CA4: variants seen among roughly 807,000 people sequenced by gnomAD.
The protein encoded by CA4 is CA-IV.
CA4 carries 24 observed loss-of-function variants against 34.5 expected under a neutral mutation model. The observed-to-expected ratio is 0.70, with a 90% CI of 0.50 to 0.98. The LOEUF (loss-of-function observed/expected upper bound fraction) is 0.98. Ranked by LOEUF, CA4 falls within the 50% of genes least tolerant of loss-of-function variation. The probability of loss-of-function intolerance (pLI) is 0.00; values close to 1 mark genes in which losing one functional copy is unlikely to be tolerated. For synonymous variants in CA4, 178 were observed against 170.6 expected (o/e 1.04, Z -0.34); for missense variants, 394 against 396.7 (o/e 0.99, Z 0.06).
At chr17:60,167,595 A>T (rs1332263273) in intron 5 of CA4, among the ~76,000 whole-genome samples, 1 of 152,262 alleles carries the variant, frequency 6.6e-6, no homozygotes, top group African/African-American at 2.4e-5. Flanking sequence ...CAGGGCTGGG[A>T]CTAAATATTT....
At chr17:60,150,459 G>T (rs1427258078) in intron 1 of CA4, among the ~76,000 whole-genome samples, 2 of 151,822 alleles carry the variant, frequency 1.3e-5, no homozygotes, top group African/African-American at 2.4e-5. Flanking sequence ...GATCACCTGA[G>T]CCCAGGAGTT....
chr17:60,178,179 T>C, the CA4 span, among the ~76,000 whole-genome samples: 1 of 152,238 alleles, frequency 6.6e-6, no homozygotes, highest in Non-Finnish European at 1.5e-5. Flanking sequence ...AATACACTTA[T>C]GAACTCCTAA....
At chr17:60,163,950 G>A (rs1267047223), downstream of CA4, among the ~76,000 whole-genome samples, 1 of 152,074 alleles carries the variant, frequency 6.6e-6, no homozygotes, top group Non-Finnish European at 1.5e-5. Flanking sequence ...GAGTAACTTA[G>A]GGAGATCCTG....
At chr17:60,150,241 G>A (rs1452132300) in intron 1 of CA4, 149 bp downstream of exon 1, 3 of 649,720 alleles carry the variant, frequency 4.6e-6, no homozygotes, top group African/African-American at 1.9e-5. Flanking sequence ...GGGCCGCGAG[G>A]GTGCGGGAGG....
At chr17:60,159,711 A>G (rs1265724616), downstream of CA4, among the ~76,000 whole-genome samples, 1 of 152,126 alleles carries the variant, frequency 6.6e-6, no homozygotes, top group African/African-American at 2.4e-5. Context: ...TTCCGTGTCT[A>G]TACCCCACTC....
At chr17:60,171,180 C>T (rs1164563143), downstream of CA4, among the ~76,000 whole-genome samples, 1 of 152,234 alleles carries the variant, frequency 6.6e-6, no homozygotes, top group Non-Finnish European at 1.5e-5. Flanking sequence ...CAGGACTATC[C>T]TTTAAGCTAA....
intron 1 of CA4, among the ~76,000 whole-genome samples, chr17:60,152,138 G>T (rs1357613808): frequency 1.3e-5 from 2 of 152,128 alleles, no homozygotes; most frequent in African/African-American, 2.4e-5. Flanking sequence ...TCTGGTCAGG[G>T]TGGATGGACT....
At chr17:60,173,488 G>A (rs1435087413), downstream of CA4, among the ~76,000 whole-genome samples, 8 of 152,164 alleles carry the variant, frequency 5.3e-5, no homozygotes, top group Admixed American at 1.3e-4. Flanking sequence ...GAGGCAGTTC[G>A]CTTCCCTTTT....
chr17:60,168,070 T>C lies in CA4; in HGVS notation c.*179-2481T>C, dbSNP rs138978930. Among the ~76,000 whole-genome samples, 10 of 151,682 alleles carry C rather than the reference T, an allele frequency of 6.6e-5. No homozygotes were observed. In the East Asian group the frequency reaches 1.8e-3, roughly 27 times the overall value. On this transcript the variant is annotated intron_variant and NMD_transcript_variant, in intron 5 of 5. Transcript: ENST00000586876. ...AAGTGAAGCTTCAGAGATGTAGAGA[T>C]GTAGAGATGTAGAGATGTAGGGGAG...
chr17:60,152,081 G>C (rs565298141), intron 1 of CA4, among the ~76,000 whole-genome samples: 14 of 152,086 alleles, frequency 9.2e-5, no homozygotes, highest in Admixed American at 2.6e-4. Flanking sequence ...CAGTCAGTGT[G>C]GGGGGCAGTA....
At chr17:60,159,915 GA>G (rs1482589655), downstream of CA4, among the ~76,000 whole-genome samples, 27 of 152,186 alleles carry the variant, frequency 1.8e-4, no homozygotes, top group Admixed American at 1.8e-3. Flanking sequence ...AGAGGCACGT[GA>G]ATCACTTGAG....
intron 5 of CA4, among the ~76,000 whole-genome samples, chr17:60,168,244 G>A (rs1463813788): frequency 1.9e-5 from 2 of 107,860 alleles, no homozygotes; most frequent in Non-Finnish European, 3.9e-5. Context: ...TCTTTTTTTC[G>A]GGGGGGAGGA....
At chr17:60,152,700 T>G (rs1302158855) in intron 1 of CA4, among the ~76,000 whole-genome samples, 2 of 152,126 alleles carry the variant, frequency 1.3e-5, no homozygotes, top group Non-Finnish European at 2.9e-5. Context: ...AACCCCTTCC[T>G]CCTTCAAGAC....
Position 60,158,162 on chromosome 17 carries a change from G to C in CA4, c.580+35G>C, listed in dbSNP as rs754003789. 4 of 1,588,744 alleles carry C rather than the reference G, an allele frequency of 2.5e-6. 1 individual carries two copies. Among genetic ancestry groups the C allele is most frequent in the South Asian group, 2.2e-5 (2 of 90,442 alleles). On this transcript the variant is annotated intron_variant, in intron 6 of 7. Coordinates refer to ENST00000300900, the MANE Select transcript of CA4 (RefSeq NM_000717.5). Reference sequence around the variant, plus strand: ...GATGGGGGAGAAGGGCTTGGGGTGAGGGGGGGGATTCCTCCCACAAAGGAA... The same window carrying C: ...GATGGGGGAGAAGGGCTTGGGGTGACGGGGGGGATTCCTCCCACAAAGGAA...
At position 60,159,512 on chromosome 17, in the gene CA4, G is replaced by A; in HGVS notation, c.*88G>A. ...CTTAGCCTTCCCAGGTGGGACTTTAGGCATGATTAAAATATGGACATATTT... is the reference window on the plus strand; with the variant it reads ...CTTAGCCTTCCCAGGTGGGACTTTAAGCATGATTAAAATATGGACATATTT... On this transcript the variant is annotated 3_prime_UTR_variant, in exon 8 of 8. Transcript: ENST00000300900. 7.1e-7 allele frequency: 1 copy of A among 1,412,116 alleles called. No homozygotes were observed. 87.5% of individuals were successfully genotyped at this position (1,412,116 alleles called of 1,614,324 possible).
intron 3 of CA4, among the ~76,000 whole-genome samples, chr17:60,157,212 A>G (rs1424364078): frequency 6.6e-6 from 1 of 152,156 alleles, no homozygotes; most frequent in Non-Finnish European, 1.5e-5. Flanking sequence ...GGTGCAGGAG[A>G]GGGGGAGGCA....
At chr17:60,150,366 G>A (rs1443329041) in intron 1 of CA4, among the ~76,000 whole-genome samples, 1 of 152,152 alleles carries the variant, frequency 6.6e-6, no homozygotes, top group Non-Finnish European at 1.5e-5. Context: ...GACGAGTTGG[G>A]AGTCCCTGAT....
At chr17:60,158,901 C>A in intron 7 of CA4, 1 of 443,330 alleles carries the variant, frequency 2.3e-6, no homozygotes, top group African/African-American at 2.0e-5. Context: ...ATCTGGGGCC[C>A]AACAAGCCCG....
At position 60,150,654 on chromosome 17, in the gene CA4, TAAAAAAAAA is replaced by T. The variant is rs66850461; in HGVS notation, c.58+590_58+598del. ...CTGCACTCCAGCCTGGTGCTCCGTT[TAAAAAAAAA>T]AAAAAAAAAAAAAAAAAAAAAAAAA... On this transcript the variant is annotated intron_variant, in intron 1 of 7. Transcript: ENST00000300900. Among the ~76,000 whole-genome samples, 124 of 33,898 alleles carry T rather than the reference TAAAAAAAAA, an allele frequency of 3.7e-3. 3 individuals carry two copies. Among genetic ancestry groups the T allele is most frequent in the African/African-American group, 9.0e-3 (113 of 12,596 alleles). The allele number at this position is 33,898 out of a possible 152,430, so 22.2% of individuals were successfully genotyped here.
Sources: allele counts gnomAD v4.1 joint callset (sites outside exome capture counted in the v4.1 genomes callset), GRCh38; gene constraint gnomAD v4.1.1; transcripts MANE v1.5; gene names NCBI Gene and HGNC (gene_info 2026-07-23, HGNC 2026-07-21).